The following NFKBIZ variants were observed in gnomAD, a reference collection of about 807,000 sequenced individuals.
The protein encoded by NFKBIZ is NFKB inhibitor zeta, also known as NF-kappa-B inhibitor zeta.
In NFKBIZ, 19 loss-of-function variants were observed where a neutral mutation model predicts 76.8. That is an observed-to-expected ratio of 0.25 (90% CI 0.17 to 0.36). The LOEUF is 0.36. Ranked by LOEUF, NFKBIZ falls within the 10% of genes least tolerant of loss-of-function variation. The pLI, the probability that NFKBIZ is intolerant of heterozygous loss-of-function variation, is 1.00. For synonymous variants in NFKBIZ, 368 were observed against 354.8 expected, an observed-to-expected ratio of 1.04 and a Z score of -0.42; for missense variants, 829 against 910.9, an observed-to-expected ratio of 0.91 and a Z score of 1.16.
intron 11 of NFKBIZ, chr3:101,858,254 A>T (rs1257086936): frequency 1.0e-6 from 1 of 978,410 alleles, no homozygotes; most frequent in African/African-American, 1.8e-5. Flanking sequence ...TATGACCATA[A>T]TGTTATAGTA....
In NFKBIZ at chr3:101,857,806, A is replaced by G. The variant is rs1361829848; in HGVS notation, c.2103+347A>G. 9.1e-6 allele frequency: 9 copies of G among 984,892 alleles called. No individual in the cohort carries two copies. In the South Asian group the frequency reaches 2.8e-4, roughly 31 times the overall value. 61.0% of individuals were successfully genotyped at this position (984,892 alleles called of 1,614,324 possible). Reference sequence around the variant, plus strand: ...AAAGAGAATCTTAGTCTTGTAATGTATGAGCCTTCAAATATTGTGGATATT... The same window carrying G: ...AAAGAGAATCTTAGTCTTGTAATGTGTGAGCCTTCAAATATTGTGGATATT... On this transcript the variant is annotated intron_variant, in intron 11 of 11. Transcript: ENST00000326172.
chr3:101,832,640 A>G (rs188289339), intron 2 of NFKBIZ, among the ~76,000 whole-genome samples: 200 of 152,312 alleles, frequency 1.3e-3, no homozygotes, highest in African/African-American at 4.6e-3. Flanking sequence ...AAATGTCAGA[A>G]TTTCCTTCCT....
intron 2 of NFKBIZ, among the ~76,000 whole-genome samples, chr3:101,843,046 A>C (rs990787236): frequency 2.0e-5 from 3 of 150,882 alleles, no homozygotes; most frequent in African/African-American, 4.9e-5. Context: ...AAAAAAAAAA[A>C]AACTTCATGC....
intron 2 of NFKBIZ, among the ~76,000 whole-genome samples, chr3:101,842,599 T>G (rs1942800690): frequency 6.6e-6 from 1 of 151,532 alleles, no homozygotes; most frequent in Non-Finnish European, 1.5e-5. Context: ...TTTCTTTTTT[T>G]TTTTTTTTTA....
intron 1 of NFKBIZ, among the ~76,000 whole-genome samples, chr3:101,828,538 G>C (rs1041941211): frequency 6.6e-6 from 1 of 152,204 alleles, no homozygotes; most frequent in African/African-American, 2.4e-5. Context: ...CGAGGCAGAA[G>C]TCTCCCAGGA....
intron 1 of NFKBIZ, among the ~76,000 whole-genome samples, chr3:101,850,637 A>G (rs538310046): frequency 6.6e-6 from 1 of 152,302 alleles, no homozygotes; most frequent in Admixed American, 6.5e-5. Flanking sequence ...TTTGGGGGAA[A>G]ACAGGATGCC....
In NFKBIZ at chr3:101,857,459, G is replaced by A; in HGVS notation, c.2103G>A (p.Gln701=). Residue 701 remains glutamine, a splice_region_variant and synonymous_variant, in exon 11 of 12, where the codon CAG becomes CAA. Coordinates refer to ENST00000326172, the MANE Select transcript of NFKBIZ (RefSeq NM_031419.4). ...TTCCCGATGGCCCTGTGGGAGAACAGGTGAGAGGCACAGGAGGGAGAGGAA... is the reference window on the plus strand; with the variant it reads ...TTCCCGATGGCCCTGTGGGAGAACAAGTGAGAGGCACAGGAGGGAGAGGAA... ...HLVPDGPVGE[Q]IRRILKGKSI... 2 of 1,614,018 alleles carry A rather than the reference G, an allele frequency of 1.2e-6. No homozygotes were observed. Among genetic ancestry groups the A allele is most frequent in the Non-Finnish European group, 1.7e-6 (2 of 1,180,042 alleles).
chr3:101,829,795 A>G (rs1364851655), intron 2 of NFKBIZ: 2 of 152,122 alleles, frequency 1.3e-5, no homozygotes, highest in Non-Finnish European at 2.9e-5. Flanking sequence ...CTCTTAAATT[A>G]GACATTTTTT....
At chr3:101,834,141 T>C (rs1942683290) in intron 2 of NFKBIZ, among the ~76,000 whole-genome samples, 1 of 152,148 alleles carries the variant, frequency 6.6e-6, no homozygotes, top group African/African-American at 2.4e-5. Flanking sequence ...GCAGGAGCAG[T>C]GCAGGGAACA....
chr3:101,852,435 C>A (rs1942978569), intron 2 of NFKBIZ, among the ~76,000 whole-genome samples: 1 of 152,046 alleles, frequency 6.6e-6, no homozygotes. Context: ...AAGAGAAACT[C>A]AATGAATAAA....
Position 101,852,933 on chromosome 3 carries a change from T to C in NFKBIZ, c.508T>C (p.Ser170Pro). Reference sequence around the variant, plus strand: ...CAGTGGGAAAAGGAAAGGGCCCGATTCGTTGTCTGATGGACCTGCTTGCAA... The same window carrying C: ...CAGTGGGAAAAGGAAAGGGCCCGATCCGTTGTCTGATGGACCTGCTTGCAA... ...SYSGKRKGPD[S>P]LSDGPACKRP... Residue 170 changes from serine to proline, a missense_variant, in exon 4 of 12, where the codon TCG (serine) becomes CCG (proline). Around this residue, in one of 4 missense-constraint regions of NFKBIZ, gnomAD observed 371 missense variants for 332.3 expected, o/e 1.12. Coordinates refer to ENST00000326172, the MANE Select transcript of NFKBIZ (RefSeq NM_031419.4). 1 of 1,614,206 alleles carries C rather than the reference T, an allele frequency of 6.2e-7. No individual in the cohort carries two copies. Among genetic ancestry groups the C allele is most frequent in the Non-Finnish European group, 8.5e-7 (1 of 1,180,034 alleles).
intron 1 of NFKBIZ, among the ~76,000 whole-genome samples, chr3:101,851,470 A>C (rs1255378438): frequency 6.6e-6 from 1 of 152,336 alleles, no homozygotes; most frequent in East Asian, 1.9e-4. Flanking sequence ...GGCACAGTTG[A>C]ATTGAAGGAA....
In NFKBIZ at chr3:101,849,904, C is replaced by A. The variant is rs557155082; in HGVS notation, c.276C>A (p.Ala92=). 35 of 1,427,566 alleles carry A rather than the reference C, an allele frequency of 2.5e-5. No homozygotes were observed. The highest frequency in any genetic ancestry group is 2.5e-4 in the Middle Eastern group (1 of 4,006). 88.4% of individuals were successfully genotyped at this position (1,427,566 alleles called of 1,614,324 possible). Residue 92 remains alanine, a synonymous_variant, in exon 1 of 12, where the codon GCC becomes GCA. Coordinates refer to ENST00000326172, the MANE Select transcript of NFKBIZ (RefSeq NM_031419.4). ...VESRSRGGAR[A]ERQPVEPHMG... ...CCCGGTCGAGAGGCGGCGCCCGCGCCGAGCGCCAGCCAGGTACCCGCCGGC... is the reference window on the plus strand; with the variant it reads ...CCCGGTCGAGAGGCGGCGCCCGCGCAGAGCGCCAGCCAGGTACCCGCCGGC...
chr3:101,852,697 T>G (rs1282273688), intron 2 of NFKBIZ, 41 bp from the exon 3 acceptor site: 1 of 1,431,316 alleles, frequency 7.0e-7, no homozygotes, highest in Non-Finnish European at 9.7e-7. Context: ...TAAGAGGAAG[T>G]CATTTTGTAT....
chr3:101,854,641 GA>G lies in NFKBIZ; in HGVS notation c.1403del (p.Asn468MetfsTer33). 6.2e-7 allele frequency: 1 copy of G among 1,613,896 alleles called. No homozygotes were observed. Among genetic ancestry groups the G allele is most frequent in the Non-Finnish European group, 8.5e-7 (1 of 1,179,942 alleles). ...ALSYVLARKMNALHMLDIKEH... is the reference protein window; with the variant it reads ...ALSYVLARKMXALHMLDIKEH... Reference sequence around the variant, plus strand: ...TTTCCTATGTTCTTGCAAGAAAGATGAATGCACTTCACATGCTGGATATTAA... The same window carrying G: ...TTTCCTATGTTCTTGCAAGAAAGATGATGCACTTCACATGCTGGATATTAA... On this transcript the variant is annotated frameshift_variant, in exon 6 of 12. Transcript: ENST00000326172. LOFTEE classifies it high-confidence loss of function.
chr3:101,849,653 G>T lies in NFKBIZ; in HGVS notation c.25G>T (p.Asp9Tyr), dbSNP rs886802758. 2.1e-6 allele frequency: 3 copies of T among 1,398,538 alleles called. No homozygotes were observed. Among genetic ancestry groups the T allele is most frequent in the Admixed American group, 3.4e-5 (1 of 29,020 alleles). 86.6% of individuals were successfully genotyped at this position (1,398,538 alleles called of 1,614,324 possible). Reference protein sequence around the residue: MIVDKLLDDSRGGEGLRDA... With the variant: MIVDKLLDYSRGGEGLRDA... ...CATGATTGTGGACAAGCTGCTGGAC[G>T]ACAGCCGCGGCGGAGAGGGGCTGCG... is the stretch of plus-strand genomic sequence containing the variant. The change falls in exon 1 of 12, where the codon GAC becomes TAC. Residue 9 changes from aspartate (D) to tyrosine (Y), a missense_variant. By Grantham distance (160) the Asp-to-Tyr change is radical (BLOSUM62 -3). Transcript: ENST00000326172.
upstream of NFKBIZ, among the ~76,000 whole-genome samples, chr3:101,848,406 A>G (rs1263865293): frequency 3.9e-5 from 6 of 151,990 alleles, no homozygotes; most frequent in Non-Finnish European, 7.4e-5. Flanking sequence ...ATCCTTTAGG[A>G]CCTATCTTAA....
upstream of NFKBIZ, among the ~76,000 whole-genome samples, chr3:101,848,730 A>G (rs1234748660): frequency 6.6e-6 from 1 of 152,266 alleles, no homozygotes; most frequent in African/African-American, 2.4e-5. Flanking sequence ...CATATACTAC[A>G]GCACCTACAT....
rs1553812851 is a variant in NFKBIZ at position 101,855,790 on chromosome 3, A to G, written c.1712A>G (p.Gln571Arg). 1 of 1,614,086 alleles carries G rather than the reference A, an allele frequency of 6.2e-7. No homozygotes were observed. The highest frequency in any genetic ancestry group is 8.5e-7 in the Non-Finnish European group (1 of 1,179,988). The part of the protein sequence containing the change: ...IAHNAVVHEL[Q>R]RNQQPHSPEV... Reference sequence around the variant, plus strand: ...CACAATGCTGTGGTCCATGAACTCCAGAGAAATCAACAGCCTCATTCACCT... The same window carrying G: ...CACAATGCTGTGGTCCATGAACTCCGGAGAAATCAACAGCCTCATTCACCT... Residue 571 changes from glutamine (Q) to arginine (R), a missense_variant, in exon 9 of 12, where the codon CAG becomes CGG. Gln to Arg is a conservative substitution (Grantham distance 43). This residue lies in a region of NFKBIZ where 272 missense variants were observed against 384.2 expected (regional missense o/e 0.71). Coordinates refer to ENST00000326172, the MANE Select transcript of NFKBIZ (RefSeq NM_031419.4).
Sources: gnomAD v4.1 joint callset for allele counts (sites outside exome capture counted in the v4.1 genomes callset) on GRCh38, gnomAD v4.1.1 for gene constraint, gnomAD v4.1.1 regional missense constraint, MANE v1.5 for transcripts, NCBI Gene and HGNC (gene_info 2026-07-23, HGNC 2026-07-21) for gene names.